The following CCDC88C variants were observed in gnomAD, a reference collection of about 807,000 sequenced individuals.
CCDC88C encodes the protein coiled-coil and HOOK domain protein 88C.
A neutral mutation model predicts 198.8 loss-of-function variants in CCDC88C; 131 were observed. The ratio of observed to expected loss-of-function variants is 0.66; its 90% CI spans 0.57 to 0.76. The LOEUF is 0.76. CCDC88C is among the 30% of genes least tolerant of loss of function. The pLI, the probability that CCDC88C is intolerant of heterozygous loss-of-function variation, is 0.00. For missense variants in CCDC88C, 2,553 were observed against 2,631.6 expected (o/e 0.97, Z 0.65); for synonymous variants, 1,166 against 1,114.7 (o/e 1.05, Z -0.92).
At chr14:91,370,388 CGG>C (rs1303654340) in intron 3 of CCDC88C, among the ~76,000 whole-genome samples, 2 of 152,206 alleles carry the variant, frequency 1.3e-5, no homozygotes, top group African/African-American at 4.8e-5. Flanking sequence ...TCAGGGAACC[CGG>C]CAGGGAGGGA....
chr14:91,293,531 T>C (rs1192236248), intron 23 of CCDC88C, among the ~76,000 whole-genome samples: 1,836 of 13,858 alleles, frequency 0.13, 613 homozygotes, highest in South Asian at 0.2. Context: ...TCCCCTCACC[T>C]GCCACGGCCC....
intron 3 of CCDC88C, chr14:91,379,100 G>C (rs1291154479): frequency 6.6e-6 from 1 of 152,274 alleles, no homozygotes; most frequent in Non-Finnish European, 1.5e-5. Context: ...CCCACCAGCA[G>C]CTGAGGAAAA....
In CCDC88C at chr14:91,339,876, G is replaced by C; in HGVS notation, c.624+8C>G. 6.3e-7 allele frequency: 1 copy of C among 1,576,866 alleles called. No homozygotes were observed. ...CAGGCTGACCGGGCCACCGACCCGC[G>C]GACGCACCTCGGTGCACTCGTCCCG... On this transcript the variant is annotated splice_region_variant and intron_variant, in intron 7 of 29. Coordinates refer to ENST00000389857, the MANE Select transcript of CCDC88C (RefSeq NM_001080414.4). This position sits in a 1 kb window ranked among gnomAD's most constrained non-coding sequence, Gnocchi z 5.8.
In CCDC88C at chr14:91,281,520, T is replaced by C. The variant is rs1890198691; in HGVS notation, c.4636A>G (p.Asn1546Asp). The part of the protein sequence containing the change: ...ARHPGRTKGY[N>D]SDDNLCEPSL... The stretch of plus-strand genomic sequence containing the variant: ...GGCTCACAGAGGTTGTCATCTGAGT[T>C]ATAGCCTAAGGTGAAAATAAGGCTA... Residue 1546 changes from asparagine (N) to aspartate (D), a missense_variant, in exon 27 of 30, where the codon AAC becomes GAC. By Grantham distance (23) the Asn-to-Asp change is conservative. Transcript: ENST00000389857. 6.2e-7 allele frequency: 1 copy of C among 1,613,794 alleles called. No individual in the cohort carries two copies. Among genetic ancestry groups the C allele is most frequent in the African/African-American group, 1.3e-5 (1 of 75,038 alleles).
chr14:91,279,542 A>G (rs1334013293), intron 27 of CCDC88C: 2 of 404,374 alleles, frequency 4.9e-6, no homozygotes, highest in Non-Finnish European at 8.9e-6. Context: ...GCTTATCTAC[A>G]TTTATGAGGC....
chr14:91,332,606 C>T (rs546293900), intron 10 of CCDC88C, among the ~76,000 whole-genome samples: 113 of 152,318 alleles, frequency 7.4e-4, no homozygotes, highest in African/African-American at 2.6e-3. Flanking sequence ...ACGGGGCAGC[C>T]TGTCTGGGCG....
intron 4 of CCDC88C, among the ~76,000 whole-genome samples, chr14:91,344,800 CT>C (rs765758764): frequency 8.4e-4 from 121 of 144,726 alleles, no homozygotes; most frequent in Middle Eastern, 3.6e-3. Context: ...CGCCCGGCCC[CT>C]TTTTTTTTTT....
At chr14:91,303,236 C>G (rs1891389124) in intron 20 of CCDC88C, among the ~76,000 whole-genome samples, 1 of 151,964 alleles carries the variant, frequency 6.6e-6, no homozygotes, top group Non-Finnish European at 1.5e-5. Flanking sequence ...CCCACACACC[C>G]TGCCTCTCCC....
intron 3 of CCDC88C, among the ~76,000 whole-genome samples, chr14:91,360,606 C>T (rs1894267490): frequency 6.6e-6 from 1 of 152,192 alleles, no homozygotes; most frequent in African/African-American, 2.4e-5. Flanking sequence ...GCGAGGGATA[C>T]ATCAGAGCTG....
At chr14:91,318,599 G>A (rs1386685682) in intron 13 of CCDC88C, among the ~76,000 whole-genome samples, 1 of 152,192 alleles carries the variant, frequency 6.6e-6, no homozygotes, top group Non-Finnish European at 1.5e-5. Context: ...GAACTCAAGG[G>A]ACCAGTTCCC....
intron 22 of CCDC88C, 70 bp downstream of exon 22, chr14:91,297,235 G>T: frequency 6.7e-7 from 1 of 1,491,304 alleles, no homozygotes. Context: ...TCACAGCTTG[G>T]CTGAGCCCTG....
Position 91,305,896 on chromosome 14 carries a change from G to C in CCDC88C, c.3226C>G (p.Leu1076Val). The part of the protein sequence containing the change: ...NAALQAEKQL[L>V]KEQLQHLETQ... Reference sequence around the variant, plus strand: ...TCCAGGTGCTGCAGCTGTTCCTTTAGCAGCTGCTTCTCAGCCTGCAGAGCT... The same window carrying C: ...TCCAGGTGCTGCAGCTGTTCCTTTACCAGCTGCTTCTCAGCCTGCAGAGCT... The change falls in exon 19 of 30, where the codon CTA becomes GTA. Residue 1076 changes from leucine (L) to valine (V), a missense_variant. By Grantham distance (32) the Leu-to-Val change is conservative. Coordinates refer to ENST00000389857, the MANE Select transcript of CCDC88C (RefSeq NM_001080414.4). The C allele has an allele frequency of 6.2e-7, 1 of 1,613,744 alleles. No homozygotes were observed. The highest frequency in any genetic ancestry group is 8.5e-7 in the Non-Finnish European group (1 of 1,179,872).
chr14:91,342,468 G>T lies in CCDC88C; in HGVS notation c.400-5C>A. On this transcript the variant is annotated splice_polypyrimidine_tract_variant and splice_region_variant and intron_variant, in intron 5 of 29. Transcript: ENST00000389857. ...GAACTCCTCTTTCCTCTCACACTGC[G>T]GAGGGTTACATGTGTTAATGGAAGC... 6.4e-7 allele frequency: 1 copy of T among 1,567,836 alleles called. No homozygotes were observed. The highest frequency in any genetic ancestry group is 8.7e-7 in the Non-Finnish European group (1 of 1,150,246).
chr14:91,375,062 A>G (rs1388617120), intron 3 of CCDC88C, among the ~76,000 whole-genome samples: 2 of 152,208 alleles, frequency 1.3e-5, no homozygotes, highest in African/African-American at 2.4e-5. Context: ...TTACGAAGCT[A>G]CAGACTGAGT....
intron 29 of CCDC88C, among the ~76,000 whole-genome samples, chr14:91,274,818 T>G (rs182598327): frequency 6.6e-6 from 1 of 152,212 alleles, no homozygotes; most frequent in East Asian, 1.9e-4. Flanking sequence ...TGTATCAAGG[T>G]AAAGAAACAG....
intron 3 of CCDC88C, among the ~76,000 whole-genome samples, chr14:91,402,562 CACAT>C (rs1161056069): frequency 6.6e-6 from 1 of 152,140 alleles, no homozygotes; most frequent in African/African-American, 2.4e-5. Context: ...ACAACACACA[CACAT>C]AAACACAGCA....
chr14:91,301,098 G>T (rs1398038460), intron 20 of CCDC88C, among the ~76,000 whole-genome samples: 2 of 152,234 alleles, frequency 1.3e-5, no homozygotes, highest in African/African-American at 4.8e-5. Context: ...CTGTAGGGCA[G>T]AAACTTTATA....
chr14:91,400,109 C>T (rs549454831), intron 3 of CCDC88C, among the ~76,000 whole-genome samples: 1 of 152,040 alleles, frequency 6.6e-6, no homozygotes, highest in African/African-American at 2.4e-5. Flanking sequence ...CCATGTCCTG[C>T]GTACACAGGT....
chr14:91,383,820 T>C (rs1451900855), intron 3 of CCDC88C, among the ~76,000 whole-genome samples: 1 of 152,202 alleles, frequency 6.6e-6, no homozygotes, highest in Non-Finnish European at 1.5e-5. Flanking sequence ...TGGAAGGTGA[T>C]AGCCCCAGAA....
Sources: allele counts gnomAD v4.1 joint callset (sites outside exome capture counted in the v4.1 genomes callset), GRCh38; gene constraint gnomAD v4.1.1; non-coding constraint Gnocchi (gnomAD v3.1); transcripts MANE v1.5; gene names NCBI Gene and HGNC (gene_info 2026-07-23, HGNC 2026-07-21).